Variants in RBFOX1 observed in about 807,000 individuals in gnomAD.
The protein encoded by RBFOX1 is RNA binding protein fox-1 homolog 1.
RBFOX1 carries 8 observed loss-of-function variants against 57.7 expected under a neutral mutation model. The observed-to-expected ratio is 0.14, with a 90% CI of 0.08 to 0.25. The LOEUF (loss-of-function observed/expected upper bound fraction) is 0.25, where lower values mean the gene tolerates loss of function less well. Among genes scored for constraint, RBFOX1 ranks in the 10% least tolerant of loss-of-function variants. The pLI is 1.00. For missense variants in RBFOX1, 611 were observed against 548.5 expected, an observed-to-expected ratio of 1.11 and a Z score of -1.14; for synonymous variants, 326 against 222.4, an observed-to-expected ratio of 1.47 and a Z score of -4.15.
intron 5 of RBFOX1, among the ~76,000 whole-genome samples, chr16:7,552,696 T>C (rs2086927307): frequency 6.6e-6 from 1 of 152,176 alleles, no homozygotes; most frequent in African/African-American, 2.4e-5. Context: ...TTTCTTTCTT[T>C]TTTTGCAATG....
intron 4 of RBFOX1, among the ~76,000 whole-genome samples, chr16:7,388,644 CTTTTTTTTT>C (rs61629644): frequency 4.5e-4 from 42 of 92,610 alleles, no homozygotes; most frequent in African/African-American, 1.4e-3. Context: ...GTTTCACTTA[CTTTTTTTTT>C]TTTTTTTTTT....
At chr16:6,567,109 G>T (rs1428157093) in intron 2 of RBFOX1, among the ~76,000 whole-genome samples, 2 of 152,140 alleles carry the variant, frequency 1.3e-5, no homozygotes, top group Admixed American at 6.6e-5. Context: ...AAATGAGCAG[G>T]CTGTCCAGAT....
At chr16:6,674,550 G>A (rs1296554507) in intron 3 of RBFOX1, among the ~76,000 whole-genome samples, 1 of 152,116 alleles carries the variant, frequency 6.6e-6, no homozygotes, top group Non-Finnish European at 1.5e-5. Context: ...TCGAACTCCT[G>A]ACCTCAAGTG....
chr16:5,474,380 G>A lies in RBFOX1; in HGVS notation c.258+7126G>A, dbSNP rs1010199533. Among the ~76,000 whole-genome samples the A allele has an allele frequency of 1.1e-4, 16 of 152,304 alleles. No individual in the cohort carries two copies. In the East Asian group the frequency reaches 2.5e-3, roughly 24 times the overall value. On this transcript the variant is annotated intron_variant, in intron 2 of 2. Coordinates refer to the RBFOX1 transcript ENST00000585867. Reference sequence around the variant, plus strand: ...AAAAAATACCCCTGGACGGCTAGGCGCGATGGCTCACTCCTGTGATCCCAG... The same window carrying A: ...AAAAAATACCCCTGGACGGCTAGGCACGATGGCTCACTCCTGTGATCCCAG...
At chr16:7,703,207 G>A (rs571951788) in intron 14 of RBFOX1, among the ~76,000 whole-genome samples, 5 of 152,278 alleles carry the variant, frequency 3.3e-5, no homozygotes, top group South Asian at 2.1e-4. Context: ...TAGATATAAG[G>A]ATAAAGGAGG....
chr16:6,183,079 A>G (rs981655056), intron 1 of RBFOX1, among the ~76,000 whole-genome samples: 2 of 152,214 alleles, frequency 1.3e-5, no homozygotes, highest in African/African-American at 2.4e-5. Flanking sequence ...TAGCATGAAG[A>G]AAAATCTTTC....
chr16:5,809,537 A>G (rs959608592), intron 3 of RBFOX1, among the ~76,000 whole-genome samples: 1 of 152,268 alleles, frequency 6.6e-6, no homozygotes, highest in African/African-American at 2.4e-5. Flanking sequence ...ACTTCTCAAA[A>G]GAAGACATTT....
intron 4 of RBFOX1, among the ~76,000 whole-genome samples, chr16:7,348,615 G>T (rs1049338363): frequency 3.3e-5 from 5 of 152,190 alleles, no homozygotes; most frequent in African/African-American, 1.2e-4. Flanking sequence ...GGACAAAGAA[G>T]AGAAAGTAGC....
In RBFOX1 at chr16:5,747,314, A is replaced by G. The variant is rs139525092; in HGVS notation, c.319-119989A>G. On this transcript the variant is annotated intron_variant, in intron 3 of 19. Transcript: ENST00000641259. ...TATTTTATTGAGGATTTTTACATCA[A>G]TGTTCATCAGGGATATTGGTCTGAA... Among the ~76,000 whole-genome samples, 948 of 152,308 alleles carry G rather than the reference A, an allele frequency of 6.2e-3. 11 individuals are homozygous for G. The highest frequency in any genetic ancestry group is 0.019 in the African/African-American group (782 of 41,566).
At chr16:7,081,817 T>G (rs1282239030) in intron 4 of RBFOX1, among the ~76,000 whole-genome samples, 1 of 152,236 alleles carries the variant, frequency 6.6e-6, no homozygotes, top group Non-Finnish European at 1.5e-5. Context: ...AGGATTGCTC[T>G]TATTGATGAA....
chr16:7,513,999 A>G (rs192047137), intron 4 of RBFOX1, among the ~76,000 whole-genome samples: 6 of 152,014 alleles, frequency 3.9e-5, no homozygotes, highest in Admixed American at 6.5e-5. Flanking sequence ...CTCTCTTTCT[A>G]CTTCACTGCC....
At chr16:6,995,424 T>C (rs536158046) in intron 3 of RBFOX1, among the ~76,000 whole-genome samples, 25 of 151,724 alleles carry the variant, frequency 1.6e-4, no homozygotes, top group African/African-American at 5.3e-4. Context: ...ACCTATGGGG[T>C]GTTTTAAAAT....
At chr16:6,595,539 G>T (rs540750012) in intron 2 of RBFOX1, among the ~76,000 whole-genome samples, 2 of 152,110 alleles carry the variant, frequency 1.3e-5, no homozygotes, top group Non-Finnish European at 1.5e-5. Context: ...AAGTTTTTCT[G>T]TGTACTTACG....
chr16:7,653,921 C>A lies in RBFOX1; in HGVS notation c.864C>A (p.Pro288=), dbSNP rs1348390342. The change falls in exon 12 of 16, where the codon CCC becomes CCA. Residue 288 remains proline (P), a synonymous_variant. Coordinates refer to ENST00000550418, the MANE Select transcript of RBFOX1 (RefSeq NM_018723.4). ...ACAACACCTTCAGGGCCGCGGCGCC[C>A]CCGCCCCCGATCCCGGCCTACGGCG... The part of the protein sequence containing the change: ...TVYNTFRAAA[P]PPPIPAYGGV... 2 of 1,563,198 alleles carry A rather than the reference C, an allele frequency of 1.3e-6. No homozygotes were observed. The highest frequency in any genetic ancestry group is 1.7e-6 in the Non-Finnish European group (2 of 1,161,290).
chr16:7,364,437 A>G (rs1246889922), intron 4 of RBFOX1, among the ~76,000 whole-genome samples: 2 of 152,160 alleles, frequency 1.3e-5, no homozygotes, highest in Non-Finnish European at 2.9e-5. Flanking sequence ...TGCGTGTTTA[A>G]CATTTCATTT....
At chr16:7,158,237 T>G (rs1335069985) in intron 4 of RBFOX1, among the ~76,000 whole-genome samples, 1 of 151,892 alleles carries the variant, frequency 6.6e-6, no homozygotes, top group Non-Finnish European at 1.5e-5. Flanking sequence ...TCCCAGCTAC[T>G]TAGGAGGCTG....
intron 1 of RBFOX1, among the ~76,000 whole-genome samples, chr16:6,247,935 C>T (rs1450012158): frequency 6.6e-6 from 1 of 152,182 alleles, no homozygotes; most frequent in Non-Finnish European, 1.5e-5. Flanking sequence ...TGGTTAATGG[C>T]TCTGGGATCA....
At chr16:6,796,994 T>C (rs2084213097) in intron 3 of RBFOX1, among the ~76,000 whole-genome samples, 1 of 152,156 alleles carries the variant, frequency 6.6e-6, no homozygotes, top group Non-Finnish European at 1.5e-5. Flanking sequence ...AAACATAAGA[T>C]GCCACGGGCA....
intron 2 of RBFOX1, among the ~76,000 whole-genome samples, chr16:6,338,896 C>G (rs922381157): frequency 3.9e-5 from 6 of 152,094 alleles, no homozygotes; most frequent in Non-Finnish European, 7.4e-5. Flanking sequence ...ATGAATTAGT[C>G]AAGAACTCAT....
Sources: allele counts gnomAD v4.1 joint callset (sites outside exome capture counted in the v4.1 genomes callset), GRCh38; gene constraint gnomAD v4.1.1; transcripts MANE v1.5; gene names NCBI Gene and HGNC (gene_info 2026-07-23, HGNC 2026-07-21).